RAD51B: variants seen among roughly 807,000 people sequenced by gnomAD.
RAD51B encodes the protein RAD51 paralog B.
RAD51B carries 38 observed loss-of-function variants against 42.2 expected under a neutral mutation model. The ratio of observed to expected loss-of-function variants is 0.90; its 90% CI spans 0.70 to 1.18. RAD51B has a LOEUF of 1.18. Ranked by LOEUF, RAD51B falls within the 50% of genes most tolerant of loss-of-function variation. The pLI is 0.00. For synonymous variants in RAD51B, 154 were observed against 145.2 expected (o/e 1.06, Z -0.43); for missense variants, 373 against 400.7 (o/e 0.93, Z 0.59).
intron 10 of RAD51B, among the ~76,000 whole-genome samples, chr14:68,567,599 A>G (rs1889487092): frequency 6.6e-6 from 1 of 152,204 alleles, no homozygotes; most frequent in Admixed American, 6.5e-5. Context: ...ACAGTATCAT[A>G]CAGAGTAGTT....
At chr14:67,969,516 A>G (rs1463399105) in intron 7 of RAD51B, among the ~76,000 whole-genome samples, 3 of 152,134 alleles carry the variant, frequency 2.0e-5, no homozygotes, top group Non-Finnish European at 4.4e-5. Flanking sequence ...TTAGCATTTA[A>G]TGTAAATTTC....
intron 7 of RAD51B, among the ~76,000 whole-genome samples, chr14:67,967,845 G>A (rs1242626458): frequency 2.0e-5 from 3 of 152,186 alleles, no homozygotes; most frequent in Admixed American, 6.5e-5. Flanking sequence ...TCTTCTCATA[G>A]CTCCACTAGG....
intron 7 of RAD51B, among the ~76,000 whole-genome samples, chr14:68,006,266 C>A (rs1285116691): frequency 6.6e-6 from 1 of 152,086 alleles, no homozygotes; most frequent in Non-Finnish European, 1.5e-5. Context: ...AATACCAATT[C>A]TTTGTTGATT....
intron 9 of RAD51B, among the ~76,000 whole-genome samples, chr14:68,459,581 A>G (rs1396320540): frequency 2.0e-5 from 3 of 152,224 alleles, no homozygotes; most frequent in South Asian, 2.1e-4. Context: ...GACACATTCA[A>G]CAAGGAAATC....
intron 10 of RAD51B, among the ~76,000 whole-genome samples, chr14:68,513,783 T>C (rs1398057567): frequency 1.3e-5 from 2 of 152,226 alleles, no homozygotes; most frequent in East Asian, 3.9e-4. Flanking sequence ...GCCAGCCACA[T>C]GTGGCTGTTC....
intron 10 of RAD51B, among the ~76,000 whole-genome samples, chr14:68,550,590 T>C (rs1888491450): frequency 6.6e-6 from 1 of 152,254 alleles, no homozygotes; most frequent in African/African-American, 2.4e-5. Context: ...ATGAATGTTG[T>C]TGGAGTGCTT....
At chr14:67,947,172 A>T (rs2045424416) in intron 7 of RAD51B, among the ~76,000 whole-genome samples, 1 of 152,202 alleles carries the variant, frequency 6.6e-6, no homozygotes, top group African/African-American at 2.4e-5. Context: ...ATTAATAAAC[A>T]TCTATATTTT....
chr14:68,264,732 G>A (rs2080955877), intron 7 of RAD51B, among the ~76,000 whole-genome samples: 1 of 152,158 alleles, frequency 6.6e-6, no homozygotes, highest in Non-Finnish European at 1.5e-5. Context: ...CATTTAGGAG[G>A]ATTAGAGCAT....
At chr14:68,315,538 T>G (rs909797440) in intron 8 of RAD51B, among the ~76,000 whole-genome samples, 1 of 152,196 alleles carries the variant, frequency 6.6e-6, no homozygotes, top group African/African-American at 2.4e-5. Flanking sequence ...TTTTCTTTTT[T>G]TGAGACAGAG....
chr14:68,040,657 A>T (rs1468239945), intron 7 of RAD51B, among the ~76,000 whole-genome samples: 1 of 152,182 alleles, frequency 6.6e-6, no homozygotes, highest in East Asian at 1.9e-4. Flanking sequence ...CTATTCAGTA[A>T]ATGAAGACAC....
At chr14:68,559,740 G>A (rs574843647) in intron 10 of RAD51B, among the ~76,000 whole-genome samples, 28 of 152,176 alleles carry the variant, frequency 1.8e-4, no homozygotes, top group Admixed American at 3.9e-4. Context: ...GGTGTTTGTA[G>A]TCCTTTTTCT....
chr14:68,678,578 T>C (rs973278173), intron 11 of RAD51B, among the ~76,000 whole-genome samples: 1 of 152,082 alleles, frequency 6.6e-6, no homozygotes, highest in African/African-American at 2.4e-5. Flanking sequence ...GTGAGGGCCC[T>C]GGGAAGTAGG....
chr14:68,451,322 C>A (rs1024609107), intron 9 of RAD51B, among the ~76,000 whole-genome samples: 2 of 152,140 alleles, frequency 1.3e-5, no homozygotes, highest in African/African-American at 2.4e-5. Context: ...ATTAAAGATA[C>A]CTTAATTCCC....
intron 8 of RAD51B, among the ~76,000 whole-genome samples, chr14:68,319,367 G>A (rs2082117899): frequency 6.6e-6 from 1 of 152,134 alleles, no homozygotes; most frequent in South Asian, 2.1e-4. Context: ...ATTTAACTGA[G>A]CCTTGTATTT....
rs571278249 is a variant in RAD51B, at chr14:68,331,101, C to T, written c.853+39121C>T. On this transcript the variant is annotated intron_variant, in intron 8 of 10. Coordinates refer to ENST00000471583, the MANE Select transcript of RAD51B (RefSeq NM_133510.4). ...ATAGCTGGCCGGGCGCGGTGGCTCA[C>T]GCCTGTAATCCCAGCACTTTGGAAG... is the stretch of plus-strand genomic sequence containing the variant. Among the ~76,000 whole-genome samples, 63 of 152,102 alleles carry T rather than the reference C, an allele frequency of 4.1e-4. 1 individual carries two copies. The highest frequency in any genetic ancestry group is 1.4e-3 in the African/African-American group (59 of 41,532).
chr14:68,631,704 G>A (rs149278263), intron 10 of RAD51B, among the ~76,000 whole-genome samples: 1 of 152,334 alleles, frequency 6.6e-6, no homozygotes, highest in Non-Finnish European at 1.5e-5. Context: ...GTCACTGGCA[G>A]CCTTTGCACG....
chr14:68,123,464 T>C (rs2077693358), intron 7 of RAD51B, among the ~76,000 whole-genome samples: 1 of 152,128 alleles, frequency 6.6e-6, no homozygotes. Context: ...AGTGTTGAGA[T>C]CGCAGGCATG....
intron 7 of RAD51B, among the ~76,000 whole-genome samples, chr14:67,890,081 G>A (rs888214540): frequency 3.9e-5 from 6 of 152,038 alleles, no homozygotes; most frequent in Non-Finnish European, 5.9e-5. Flanking sequence ...AAAAGTAACC[G>A]AAAAAAATTT....
chr14:68,160,124 G>A (rs989807448), intron 7 of RAD51B, among the ~76,000 whole-genome samples: 1 of 152,000 alleles, frequency 6.6e-6, no homozygotes, highest in African/African-American at 2.4e-5. Context: ...TATTTCATGA[G>A]CTCCCAGATG....
Sources: allele counts gnomAD v4.1 joint callset (sites outside exome capture counted in the v4.1 genomes callset), GRCh38; gene constraint gnomAD v4.1.1; transcripts MANE v1.5; gene names NCBI Gene and HGNC (gene_info 2026-07-23, HGNC 2026-07-21).